VPS37C: variants seen among roughly 807,000 people sequenced by gnomAD.
VPS37C encodes vacuolar protein sorting-associated protein 37C.
In VPS37C, 9 loss-of-function variants were observed where a neutral mutation model predicts 16.1. The ratio of observed to expected loss-of-function variants is 0.56; its 90% CI spans 0.34 to 0.97. The LOEUF is 0.97. Ranked by LOEUF, VPS37C falls within the 50% of genes least tolerant of loss-of-function variation. The probability of loss-of-function intolerance (pLI) is 0.02; values close to 1 mark genes in which losing one functional copy is unlikely to be tolerated. For missense variants in VPS37C, 479 were observed against 472.7 expected, an observed-to-expected ratio of 1.01 and a Z score of -0.12; for synonymous variants, 207 against 206.4, an observed-to-expected ratio of 1.00 and a Z score of -0.02.
chr11:61,136,565 T>G (rs1861378799), intron 2 of VPS37C, among the ~76,000 whole-genome samples: 1 of 152,056 alleles, frequency 6.6e-6, no homozygotes, highest in South Asian at 2.1e-4. Context: ...TGCATATCGA[T>G]GCATATTAGG....
At chr11:61,153,589 A>C (rs1431928130) in intron 1 of VPS37C, among the ~76,000 whole-genome samples, 2 of 151,032 alleles carry the variant, frequency 1.3e-5, no homozygotes, top group Non-Finnish European at 3.0e-5. Flanking sequence ...AGACAAAGCC[A>C]AACAAAACAC....
At chr11:61,142,827 G>A (rs1380028759) in intron 1 of VPS37C, among the ~76,000 whole-genome samples, 2 of 122,794 alleles carry the variant, frequency 1.6e-5, no homozygotes, top group Admixed American at 8.6e-5. Context: ...GGGGGGAGGG[G>A]TAGCATTGGG....
intron 4 of VPS37C, chr11:61,132,910 T>G (rs970069417): frequency 5.6e-5 from 29 of 520,228 alleles, no homozygotes; most frequent in Non-Finnish European, 9.0e-5. Context: ...AGCACCAGTT[T>G]GCCCACAGAG....
In VPS37C at chr11:61,132,190, T is replaced by G. The variant is rs1861278005; in HGVS notation, c.698A>C (p.Gln233Pro). ...CAGAGGCCCGCTGTAGAAGGAGGGC[T>G]GGGACACTACTGGGAAAGGGGCCGG... ...LPPAPFPVVSQPSFYSGPLGP... is the reference protein window; with the variant it reads ...LPPAPFPVVSPPSFYSGPLGP... The change falls in exon 5 of 5, where the codon CAG becomes CCG. Residue 233 changes from glutamine (Q) to proline (P), a missense_variant. Coordinates refer to ENST00000301765, the MANE Select transcript of VPS37C (RefSeq NM_017966.5). 1.3e-6 allele frequency: 2 copies of G among 1,494,276 alleles called. No individual in the cohort carries two copies. The highest frequency in any genetic ancestry group is 2.8e-5 in the African/African-American group (2 of 71,110). The allele number at this position is 1,494,276 out of a possible 1,614,324, so 92.6% of individuals were successfully genotyped here. A position where few individuals can be genotyped will look rare whatever the true frequency, so the allele number is the denominator to read the frequency against.
intron 1 of VPS37C, among the ~76,000 whole-genome samples, chr11:61,148,730 CTT>C: frequency 6.6e-6 from 1 of 152,134 alleles, no homozygotes; most frequent in Non-Finnish European, 1.5e-5. Context: ...TTTTAGTTTT[CTT>C]TTTTTTCTTT....
chr11:61,157,840 A>G (rs1356312230), intron 1 of VPS37C, among the ~76,000 whole-genome samples: 3 of 152,240 alleles, frequency 2.0e-5, no homozygotes, highest in South Asian at 4.1e-4. Flanking sequence ...GTCACAGGAC[A>G]GATCCCTCAT....
intron 1 of VPS37C, among the ~76,000 whole-genome samples, chr11:61,159,516 C>G (rs1345032696): frequency 6.6e-6 from 1 of 152,020 alleles, no homozygotes; most frequent in African/African-American, 2.4e-5. Flanking sequence ...CACTTGTGGC[C>G]AGACGCAGTG....
Position 61,131,885 on chromosome 11 carries a change from G to C in VPS37C, c.1003C>G (p.Pro335Ala). The C allele has an allele frequency of 7.9e-7, 1 of 1,266,974 alleles. No homozygotes were observed. Among genetic ancestry groups the C allele is most frequent in the Admixed American group, 4.0e-5 (1 of 24,970 alleles). 78.5% of individuals were successfully genotyped at this position (1,266,974 alleles called of 1,614,324 possible). A position where few individuals can be genotyped will look rare whatever the true frequency, so the allele number is the denominator to read the frequency against. ...QPSVPLQPPY[P>A]PGPAPPYGFP... Reference sequence around the variant, plus strand: ...CCATAGGGAGGGGCGGGCCCGGGGGGATAAGGGGGCTGCAGGGGCACTGAG... The same window carrying C: ...CCATAGGGAGGGGCGGGCCCGGGGGCATAAGGGGGCTGCAGGGGCACTGAG... Residue 335 changes from proline (P) to alanine (A), a missense_variant, in exon 5 of 5, where the codon CCC becomes GCC. Physicochemically the swap from Pro to Ala is conservative, Grantham distance 27. Coordinates refer to ENST00000301765, the MANE Select transcript of VPS37C (RefSeq NM_017966.5).
intron 1 of VPS37C, among the ~76,000 whole-genome samples, chr11:61,139,977 A>C (rs1429226497): frequency 8.5e-5 from 13 of 152,156 alleles, no homozygotes; most frequent in Admixed American, 7.9e-4. Flanking sequence ...TACTGGGCTC[A>C]AACAATTCTC....
intron 1 of VPS37C, among the ~76,000 whole-genome samples, chr11:61,157,608 G>T (rs1304742303): frequency 6.6e-6 from 1 of 152,136 alleles, no homozygotes; most frequent in Non-Finnish European, 1.5e-5. Context: ...TTGGGTAGTA[G>T]AAGTTCTTTA....
At chr11:61,145,996 A>C (rs1555015081) in intron 1 of VPS37C, among the ~76,000 whole-genome samples, 1 of 152,176 alleles carries the variant, frequency 6.6e-6, no homozygotes, top group Non-Finnish European at 1.5e-5. Context: ...GGTGAGAATA[A>C]ATCGACCCCT....
At chr11:61,135,997 A>G (rs1406897935) in intron 2 of VPS37C, among the ~76,000 whole-genome samples, 1 of 152,236 alleles carries the variant, frequency 6.6e-6, no homozygotes, top group Non-Finnish European at 1.5e-5. Context: ...ATAGGTAGAT[A>G]GAAGAAGTAA....
At chr11:61,135,742 A>G (rs938896442) in intron 2 of VPS37C, among the ~76,000 whole-genome samples, 2 of 152,174 alleles carry the variant, frequency 1.3e-5, no homozygotes, top group Non-Finnish European at 2.9e-5. Flanking sequence ...TTTATTAGCC[A>G]TGGAAACTTT....
chr11:61,155,943 A>T (rs1227697075), intron 1 of VPS37C, among the ~76,000 whole-genome samples: 1 of 152,194 alleles, frequency 6.6e-6, no homozygotes, highest in Non-Finnish European at 1.5e-5. Context: ...ACAACAATAC[A>T]AAGTCCAGGA....
At chr11:61,136,849 A>G (rs1317551059) in intron 2 of VPS37C, among the ~76,000 whole-genome samples, 3 of 152,176 alleles carry the variant, frequency 2.0e-5, no homozygotes, top group Non-Finnish European at 2.9e-5. Context: ...TTGCTATGTA[A>G]AATTTAGAAA....
chr11:61,158,690 G>T (rs147206406), intron 1 of VPS37C, among the ~76,000 whole-genome samples: 5 of 152,178 alleles, frequency 3.3e-5, no homozygotes, highest in Non-Finnish European at 5.9e-5. Flanking sequence ...CTATCTGTTT[G>T]AGGTTCACTG....
At chr11:61,132,768 C>T (rs1861295463) in intron 4 of VPS37C, 2 of 648,378 alleles carry the variant, frequency 3.1e-6, no homozygotes, top group Non-Finnish European at 5.2e-6. Context: ...TCGTGGTCAC[C>T]TCTGTCCTGG....
In VPS37C at chr11:61,138,752, G is replaced by C; in HGVS notation, c.78C>G (p.Ala26=). 6.2e-7 allele frequency: 1 copy of C among 1,613,990 alleles called. No homozygotes were observed. The highest frequency in any genetic ancestry group is 8.5e-7 in the Non-Finnish European group (1 of 1,180,000). ...CTCCCTCTACCTCAGGGGACTCCAG[G>C]GCCAGCTGGTCAATCGCCTCCGAGT... ...QNDSEAIDQL[A]LESPEVQDLQ... is the part of the protein sequence containing the mutation. The change falls in exon 2 of 5, where the codon GCC becomes GCG. Residue 26 remains alanine (A), a synonymous_variant. Coordinates refer to ENST00000301765, the MANE Select transcript of VPS37C (RefSeq NM_017966.5).
At chr11:61,149,954 T>C (rs1028085435) in intron 1 of VPS37C, among the ~76,000 whole-genome samples, 2 of 152,156 alleles carry the variant, frequency 1.3e-5, no homozygotes, top group East Asian at 1.9e-4. Flanking sequence ...TGGGAGGCTC[T>C]ATCAGCACGC....
Sources: gnomAD v4.1 joint callset for allele counts (sites outside exome capture counted in the v4.1 genomes callset) on GRCh38, gnomAD v4.1.1 for gene constraint, MANE v1.5 for transcripts, NCBI Gene and HGNC (gene_info 2026-07-23, HGNC 2026-07-21) for gene names.